Variants in SIRPG observed in about 807,000 individuals in gnomAD.
SIRPG encodes signal regulatory protein gamma, also known as signal-regulatory protein gamma.
A neutral mutation model predicts 35.7 loss-of-function variants in SIRPG; 38 were observed. That is an observed-to-expected ratio of 1.06 (90% CI 0.82 to 1.40). The LOEUF (loss-of-function observed/expected upper bound fraction) is 1.40, where lower values mean the gene tolerates loss of function less well. Ranked by LOEUF, SIRPG falls within the 40% of genes most tolerant of loss-of-function variation. The probability of loss-of-function intolerance (pLI) is 0.00; values close to 1 mark genes in which losing one functional copy is unlikely to be tolerated. For synonymous variants in SIRPG, 215 were observed against 190.4 expected (o/e 1.13, Z -1.06); for missense variants, 519 against 483.0 (o/e 1.07, Z -0.70).
rs76612611 is a variant in SIRPG, at chr20:1,648,954, C to G, written c.430+98G>C. ...TGACAACAGGTCTTGAAAATGAGCACTGAAAATCACACCTGATTGTTGCTC... is the reference window on the plus strand; with the variant it reads ...TGACAACAGGTCTTGAAAATGAGCAGTGAAAATCACACCTGATTGTTGCTC... On this transcript the variant is annotated intron_variant, in intron 2 of 5. Coordinates refer to ENST00000303415, the MANE Select transcript of SIRPG (RefSeq NM_018556.4). 1,365 of 1,165,260 alleles carry G rather than the reference C, an allele frequency of 1.2e-3. 7 individuals carry two copies. In the African/African-American group the frequency reaches 0.018, roughly 16 times the overall value. 72.2% of individuals were successfully genotyped at this position (1,165,260 alleles called of 1,614,324 possible).
intron 4 of SIRPG, among the ~76,000 whole-genome samples, chr20:1,631,477 C>T (rs1181471640): frequency 6.6e-6 from 1 of 152,224 alleles, no homozygotes; most frequent in Non-Finnish European, 1.5e-5. Flanking sequence ...TTTGTTCTAC[C>T]TGCACTGTAG....
chr20:1,684,101 T>C, the SIRPG span, among the ~76,000 whole-genome samples: 2 of 152,202 alleles, frequency 1.3e-5, no homozygotes, highest in African/African-American at 4.8e-5. Flanking sequence ...AGATGTATTG[T>C]ACGATATGAT....
intron 4 of SIRPG, among the ~76,000 whole-genome samples, chr20:1,634,399 G>C (rs765585930): frequency 1.3e-5 from 2 of 151,778 alleles, no homozygotes; most frequent in East Asian, 2.0e-4. Context: ...AGTAGAGATG[G>C]GGTTTCACCG....
Position 1,636,046 on chromosome 20 carries a change from G to T in SIRPG, c.748+142C>A, listed in dbSNP as rs1025594429. On this transcript the variant is annotated intron_variant, in intron 3 of 5. Transcript: ENST00000303415. ...CCAATAAAATGATAGTAAGTGACCA[G>T]CACACCTAGGTGCATGGCGGGCGGG... 3.3e-6 allele frequency: 4 copies of T among 1,201,180 alleles called. No homozygotes were observed. The African/African-American group carries it at 4.6e-5, about 14-fold the overall frequency. The allele number at this position is 1,201,180 out of a possible 1,614,324, so 74.4% of individuals were successfully genotyped here.
At chr20:1,652,265 T>G (rs945758655) in intron 1 of SIRPG, among the ~76,000 whole-genome samples, 4 of 152,232 alleles carry the variant, frequency 2.6e-5, no homozygotes, top group Non-Finnish European at 4.4e-5. Context: ...AGGGGGAATA[T>G]TTCCTGTTGC....
intron 4 of SIRPG, chr20:1,630,896 G>A (rs2091744332): frequency 6.6e-6 from 1 of 152,330 alleles, no homozygotes; most frequent in Admixed American, 6.5e-5. Flanking sequence ...TCAGAACTTG[G>A]AGGAGCCATG....
At chr20:1,661,164 CAGATCCTCTGCCCTCAAGAATTT>C (rs1204750286), upstream of SIRPG, among the ~76,000 whole-genome samples, 1 of 152,124 alleles carries the variant, frequency 6.6e-6, no homozygotes. Flanking sequence ...TTTTAAAAAA[CAGATCCTCTGCCCTCAAGAATTT>C]ATGATGCTGT....
upstream of SIRPG, among the ~76,000 whole-genome samples, chr20:1,658,164 A>G (rs1412851672): frequency 6.6e-6 from 1 of 152,204 alleles, no homozygotes; most frequent in African/African-American, 2.4e-5. Flanking sequence ...ACTCCGCTGG[A>G]CGTAGGAGAA....
intron 1 of SIRPG, among the ~76,000 whole-genome samples, chr20:1,656,500 G>A (rs1004482550): frequency 6.6e-6 from 1 of 152,230 alleles, no homozygotes; most frequent in Non-Finnish European, 1.5e-5. Context: ...TTTGAAAAGT[G>A]AGACCTTGCC....
At chr20:1,642,491 C>T (rs529873962) in intron 2 of SIRPG, among the ~76,000 whole-genome samples, 278 of 152,312 alleles carry the variant, frequency 1.8e-3, no homozygotes, top group Non-Finnish European at 2.8e-3. Flanking sequence ...CTCCTAAATA[C>T]AGCCCACCGA....
At chr20:1,658,013 G>C (rs1256009186), upstream of SIRPG, among the ~76,000 whole-genome samples, 1 of 152,166 alleles carries the variant, frequency 6.6e-6, no homozygotes, top group Non-Finnish European at 1.5e-5. Context: ...CCATTTTCAG[G>C]TCTTCTTGGT....
chr20:1,633,071 TAACCC>T (rs2091764373), intron 4 of SIRPG, among the ~76,000 whole-genome samples: 1 of 152,132 alleles, frequency 6.6e-6, no homozygotes, highest in Non-Finnish European at 1.5e-5. Context: ...GATATCGCCA[TAACCC>T]TTCAGACACC....
chr20:1,659,402 C>T (rs1052796821), upstream of SIRPG, among the ~76,000 whole-genome samples: 1 of 152,198 alleles, frequency 6.6e-6, no homozygotes, highest in Admixed American at 6.5e-5. Flanking sequence ...TCCACACCCA[C>T]AGTAGTGAAA....
rs372446007 is a variant in SIRPG at position 1,630,194 on chromosome 20, T to C, written c.*2+28A>G. On this transcript the variant is annotated intron_variant, in intron 5 of 5. Coordinates refer to ENST00000303415, the MANE Select transcript of SIRPG (RefSeq NM_018556.4). ...GGCCTTGCCCTTCTGAGACAGCCCT[T>C]GGTCTGTCCTCCCTTCCTTGTACTT... 371 of 1,508,586 alleles carry C rather than the reference T, an allele frequency of 2.5e-4. No individual in the cohort carries two copies. In the African/African-American group the frequency reaches 4.4e-3, roughly 18 times the overall value. 93.5% of individuals were successfully genotyped at this position (1,508,586 alleles called of 1,614,324 possible). A position where few individuals can be genotyped will look rare whatever the true frequency, so the allele number is the denominator to read the frequency against.
the SIRPG span, among the ~76,000 whole-genome samples, chr20:1,685,682 A>C: frequency 2.0e-5 from 3 of 152,222 alleles, no homozygotes; most frequent in Admixed American, 1.3e-4. Flanking sequence ...GGAAGAGGGC[A>C]CAAAAAAATG....
chr20:1,658,661 T>C (rs955283949), upstream of SIRPG, among the ~76,000 whole-genome samples: 1 of 152,138 alleles, frequency 6.6e-6, no homozygotes, highest in Non-Finnish European at 1.5e-5. Flanking sequence ...TAAGTCTTTT[T>C]GTGCAGTGTT....
At chr20:1,642,926 G>A (rs1480017879) in intron 2 of SIRPG, among the ~76,000 whole-genome samples, 1 of 152,270 alleles carries the variant, frequency 6.6e-6, no homozygotes, top group East Asian at 1.9e-4. Flanking sequence ...TAGGGTTTCT[G>A]CTAATAGTTG....
intron 4 of SIRPG, among the ~76,000 whole-genome samples, chr20:1,632,387 T>C (rs1007261030): frequency 2.6e-5 from 4 of 152,162 alleles, no homozygotes; most frequent in African/African-American, 9.7e-5. Flanking sequence ...CCCACGCCAC[T>C]GGTGCAGCAC....
the SIRPG span, among the ~76,000 whole-genome samples, chr20:1,673,612 G>A: frequency 2.0e-5 from 3 of 151,784 alleles, no homozygotes; most frequent in South Asian, 6.3e-4. Flanking sequence ...TGCGGCTCAT[G>A]ACAAACCCAA....
Sources: gnomAD v4.1 joint callset for allele counts (sites outside exome capture counted in the v4.1 genomes callset) on GRCh38, gnomAD v4.1.1 for gene constraint, MANE v1.5 for transcripts, NCBI Gene and HGNC (gene_info 2026-07-23, HGNC 2026-07-21) for gene names.